The following ASTN2 variants were observed in gnomAD, a reference collection of about 807,000 sequenced individuals.
ASTN2 encodes astrotactin 2, also known as astrotactin-2.
Under a neutral mutation model 139.8 loss-of-function variants are expected in ASTN2, and 54 were observed. The observed-to-expected ratio is 0.39, with a 90% confidence interval of 0.31 to 0.48. The LOEUF (loss-of-function observed/expected upper bound fraction) is 0.48. Among genes scored for constraint, ASTN2 ranks in the 20% least tolerant of loss-of-function variants. The pLI is 0.95. For missense variants in ASTN2, 1,565 were observed against 1,725.1 expected (o/e 0.91, Z 1.64); for synonymous variants, 756 against 719.5 (o/e 1.05, Z -0.81).
At chr9:116,659,182 T>C (rs1197923546) in intron 16 of ASTN2, among the ~76,000 whole-genome samples, 1 of 151,010 alleles carries the variant, frequency 6.6e-6, no homozygotes, top group Non-Finnish European at 1.5e-5. Flanking sequence ...GTCACGTTTT[T>C]ATTATTTGAT....
chr9:116,689,917 C>A (rs1232237343), intron 16 of ASTN2, among the ~76,000 whole-genome samples: 1 of 152,166 alleles, frequency 6.6e-6, no homozygotes, highest in Non-Finnish European at 1.5e-5. Context: ...TGAAGGCAGT[C>A]ATACTCTGAA....
intron 4 of ASTN2, among the ~76,000 whole-genome samples, chr9:117,126,444 G>C (rs1010685092): frequency 6.6e-6 from 1 of 152,174 alleles, no homozygotes; most frequent in South Asian, 2.1e-4. Flanking sequence ...TTAGAGAAAG[G>C]TTGTTACAGT....
intron 10 of ASTN2, among the ~76,000 whole-genome samples, chr9:116,887,119 G>T (rs1833627551): frequency 6.6e-6 from 1 of 152,086 alleles, no homozygotes; most frequent in Non-Finnish European, 1.5e-5. Flanking sequence ...TTTGAATATA[G>T]GGACATTATG....
At chr9:117,305,791 A>C (rs1304952988) in intron 1 of ASTN2, among the ~76,000 whole-genome samples, 3 of 152,186 alleles carry the variant, frequency 2.0e-5, no homozygotes, top group African/African-American at 7.2e-5. Flanking sequence ...TCTCATTTCA[A>C]ACTCCTGACA....
intron 20 of ASTN2, among the ~76,000 whole-genome samples, chr9:116,445,809 T>C (rs1267221599): frequency 6.6e-6 from 1 of 152,192 alleles, no homozygotes; most frequent in Non-Finnish European, 1.5e-5. Flanking sequence ...CAGTTCAATC[T>C]TTGCTCCCTA....
chr9:116,931,186 T>C (rs1345808676), intron 10 of ASTN2, among the ~76,000 whole-genome samples: 1 of 152,204 alleles, frequency 6.6e-6, no homozygotes, highest in Non-Finnish European at 1.5e-5. Flanking sequence ...CAACACACAC[T>C]GGCTTCCTTC....
At chr9:117,218,386 C>A (rs951860445) in intron 2 of ASTN2, among the ~76,000 whole-genome samples, 2 of 152,210 alleles carry the variant, frequency 1.3e-5, no homozygotes, top group East Asian at 3.8e-4. Context: ...TCACTGACCA[C>A]GTGGTTTCCG....
At chr9:116,878,046 A>C (rs1231360622) in intron 10 of ASTN2, among the ~76,000 whole-genome samples, 1 of 152,218 alleles carries the variant, frequency 6.6e-6, no homozygotes, top group Non-Finnish European at 1.5e-5. Context: ...GTTTTTAAAA[A>C]GTCAAGAAAC....
chr9:116,563,838 C>A (rs1853049765), intron 19 of ASTN2, among the ~76,000 whole-genome samples: 1 of 152,190 alleles, frequency 6.6e-6, no homozygotes, highest in African/African-American at 2.4e-5. Context: ...ATGCTGGCTC[C>A]ATGAAGACAA....
At chr9:116,621,414 T>TACACAC (rs56109422) in intron 17 of ASTN2, among the ~76,000 whole-genome samples, 9 of 142,258 alleles carry the variant, frequency 6.3e-5, no homozygotes, top group South Asian at 2.4e-4. Context: ...TTAAAACACA[T>TACACAC]ACACACACAC....
At chr9:117,284,084 T>A (rs1834389636) in intron 2 of ASTN2, among the ~76,000 whole-genome samples, 1 of 152,182 alleles carries the variant, frequency 6.6e-6, no homozygotes, top group Non-Finnish European at 1.5e-5. Context: ...AATGTGGTGT[T>A]ATTTGAAGAC....
At chr9:116,622,553 C>G (rs943554498) in intron 17 of ASTN2, among the ~76,000 whole-genome samples, 1 of 152,164 alleles carries the variant, frequency 6.6e-6, no homozygotes, top group African/African-American at 2.4e-5. Flanking sequence ...TCAGAGCAGT[C>G]GAGCAATTTT....
At chr9:116,713,978 T>C (rs779757478) in intron 16 of ASTN2, among the ~76,000 whole-genome samples, 2 of 152,142 alleles carry the variant, frequency 1.3e-5, no homozygotes, top group South Asian at 4.1e-4. Context: ...ATTAGGAAGA[T>C]GGAAATAATA....
intron 20 of ASTN2, among the ~76,000 whole-genome samples, chr9:116,486,513 C>T (rs1651455296): frequency 6.6e-6 from 1 of 152,100 alleles, no homozygotes; most frequent in African/African-American, 2.4e-5. Flanking sequence ...GTGAATGAAT[C>T]CCTGAGTGTC....
At chr9:116,901,457 C>T (rs901334208) in intron 10 of ASTN2, among the ~76,000 whole-genome samples, 4 of 152,138 alleles carry the variant, frequency 2.6e-5, no homozygotes, top group Non-Finnish European at 5.9e-5. Flanking sequence ...GTTGAGGCAG[C>T]AGTGAGCTGA....
chr9:117,092,017 A>C (rs1460965269), intron 5 of ASTN2, among the ~76,000 whole-genome samples: 2 of 152,146 alleles, frequency 1.3e-5, no homozygotes, highest in Non-Finnish European at 2.9e-5. Context: ...TGAAGTTATA[A>C]AGGAGATACT....
At chr9:116,788,990 C>T (rs1830456047) in intron 13 of ASTN2, among the ~76,000 whole-genome samples, 1 of 152,126 alleles carries the variant, frequency 6.6e-6, no homozygotes, top group African/African-American at 2.4e-5. Flanking sequence ...TAGCTTAATT[C>T]TCAAGCTGTG....
At chr9:117,142,758 C>A (rs1332997637) in intron 3 of ASTN2, among the ~76,000 whole-genome samples, 1 of 152,038 alleles carries the variant, frequency 6.6e-6, no homozygotes, top group African/African-American at 2.4e-5. Context: ...AAGAGAAAAC[C>A]AAAAAGAAGA....
intron 1 of ASTN2, among the ~76,000 whole-genome samples, chr9:117,345,088 T>A (rs1332789948): frequency 6.6e-6 from 1 of 152,086 alleles, no homozygotes; most frequent in Non-Finnish European, 1.5e-5. Context: ...AGAGCCCAAC[T>A]TGGAGCTGTG....
Sources: allele counts gnomAD v4.1 joint callset (sites outside exome capture counted in the v4.1 genomes callset), GRCh38; gene constraint gnomAD v4.1.1; transcripts MANE v1.5; gene names NCBI Gene and HGNC (gene_info 2026-07-23, HGNC 2026-07-21).